ITGA1: variants seen among roughly 807,000 people sequenced by gnomAD.
The protein encoded by ITGA1 is integrin alpha-1.
ITGA1 carries 85 observed loss-of-function variants against 145.9 expected under a neutral mutation model. That is an observed-to-expected ratio of 0.58 (90% CI 0.49 to 0.70). The LOEUF is 0.70. Ranked by LOEUF, ITGA1 falls within the 30% of genes least tolerant of loss-of-function variation. ITGA1 has a pLI of 0.00. For missense variants in ITGA1, 1,351 were observed against 1,418.7 expected (o/e 0.95, Z 0.77); for synonymous variants, 520 against 495.3 (o/e 1.05, Z -0.66).
At chr5:52,902,850 C>A (rs1750337961) in intron 11 of ITGA1, 1 of 152,252 alleles carries the variant, frequency 6.6e-6, no homozygotes, top group Admixed American at 6.5e-5. Context: ...GCTGGGATTA[C>A]AGGCATGCAC....
At chr5:52,909,933 A>G (rs1479510627) in intron 13 of ITGA1, among the ~76,000 whole-genome samples, 2 of 152,078 alleles carry the variant, frequency 1.3e-5, no homozygotes, top group Non-Finnish European at 2.9e-5. Flanking sequence ...TGTATACTCA[A>G]TTGCATTAAA....
intron 6 of ITGA1, among the ~76,000 whole-genome samples, chr5:52,873,005 T>G (rs1749802768): frequency 6.6e-6 from 1 of 152,190 alleles, no homozygotes; most frequent in Non-Finnish European, 1.5e-5. Flanking sequence ...ACGACAGAAT[T>G]GTGCCTTAGT....
chr5:52,865,938 T>A, intron 6 of ITGA1, 121 bp downstream of exon 6: 1 of 713,094 alleles, frequency 1.4e-6, no homozygotes, highest in Non-Finnish European at 2.2e-6. Context: ...ATGAATTTTA[T>A]ATCCATTTCC....
intron 1 of ITGA1, among the ~76,000 whole-genome samples, chr5:52,826,835 A>G (rs1006461538): frequency 1.8e-4 from 27 of 152,204 alleles, no homozygotes; most frequent in African/African-American, 6.3e-4. Flanking sequence ...ATTACTGCTC[A>G]TTGGTGATAT....
chr5:52,909,070 C>A, intron 13 of ITGA1, 29 bp downstream of exon 13: 2 of 1,586,716 alleles, frequency 1.3e-6, no homozygotes, highest in South Asian at 1.2e-5. Flanking sequence ...GGTAGAAATC[C>A]AGGAAAATCT....
At chr5:52,911,870 A>G (rs1750550019) in intron 14 of ITGA1, among the ~76,000 whole-genome samples, 1 of 135,108 alleles carries the variant, frequency 7.4e-6, no homozygotes, top group Non-Finnish European at 1.6e-5. Context: ...TATATATAGT[A>G]TATAGATACA....
At chr5:52,800,142 G>T (rs1156316568) in intron 1 of ITGA1, 2 of 526,510 alleles carry the variant, frequency 3.8e-6, no homozygotes, top group African/African-American at 1.9e-5. Flanking sequence ...ACTGTGTAGG[G>T]GTAGATTTTC....
At chr5:52,828,036 T>C (rs953638694) in intron 1 of ITGA1, among the ~76,000 whole-genome samples, 1 of 152,240 alleles carries the variant, frequency 6.6e-6, no homozygotes, top group Admixed American at 6.5e-5. Flanking sequence ...ACATTTCATG[T>C]ATCTATTTAG....
intron 11 of ITGA1, chr5:52,903,381 T>A (rs1033823097): frequency 6.6e-6 from 1 of 152,124 alleles, no homozygotes; most frequent in Admixed American, 6.5e-5. Flanking sequence ...TTTAAAACAA[T>A]ATTGTGGTTA....
At chr5:52,922,430 A>G (rs553489995) in intron 17 of ITGA1, among the ~76,000 whole-genome samples, 27 of 152,342 alleles carry the variant, frequency 1.8e-4, no homozygotes, top group African/African-American at 6.3e-4. Flanking sequence ...GAAGTGTTAC[A>G]TAATGATCTT....
chr5:52,849,592 A>C (rs1749397927), intron 2 of ITGA1, 107 bp downstream of exon 2: 2 of 1,041,460 alleles, frequency 1.9e-6, no homozygotes, highest in Admixed American at 5.0e-5. Flanking sequence ...AGAATGAATT[A>C]TTTATGGTAG....
rs1233120438 is a variant in ITGA1, at chr5:52,955,703, A to C, written c.*3252A>C. On this transcript the variant is annotated 3_prime_UTR_variant, in exon 29 of 29. Coordinates refer to ENST00000282588, the MANE Select transcript of ITGA1 (RefSeq NM_181501.2). ...CAAGGAATTCAAAGTCCTGTGATAC[A>C]CATTACAAAAGATGACACTTTGTAA... The C allele has an allele frequency of 6.6e-6, 1 of 152,216 alleles. No individual in the cohort carries two copies. Among genetic ancestry groups the C allele is most frequent in the Non-Finnish European group, 1.5e-5 (1 of 68,046 alleles). The allele number at this position is 152,216 out of a possible 1,614,324, so 9.4% of individuals were successfully genotyped here. A position where few individuals can be genotyped will look rare whatever the true frequency, so the allele number is the denominator to read the frequency against.
At position 52,887,853 on chromosome 5, in the gene ITGA1, G is replaced by C; in HGVS notation, c.812G>C (p.Gly271Ala). Residue 271 changes from glycine to alanine, a missense_variant, in exon 8 of 29, where the codon GGA becomes GCA. Coordinates refer to ENST00000282588, the MANE Select transcript of ITGA1 (RefSeq NM_181501.2). The stretch of plus-strand genomic sequence containing the variant: ...ACGGAAGCCCGGGGTGCCCGAAGAG[G>C]AGTTAAAAAAGTCATGGTTATTGTG... ...AFTEARGARR[G>A]VKKVMVIVTD... 6.2e-7 allele frequency: 1 copy of C among 1,613,814 alleles called. No individual in the cohort carries two copies. Among genetic ancestry groups the C allele is most frequent in the East Asian group, 2.2e-5 (1 of 44,890 alleles).
chr5:52,921,351 CA>C (rs1158175654), intron 17 of ITGA1, among the ~76,000 whole-genome samples: 1 of 152,024 alleles, frequency 6.6e-6, no homozygotes, highest in Non-Finnish European at 1.5e-5. Flanking sequence ...AATTGTAGTT[CA>C]GGGGCAGGGG....
chr5:52,801,338 A>G, intron 1 of ITGA1: 1 of 1,362,526 alleles, frequency 7.3e-7, no homozygotes, highest in South Asian at 1.4e-5. Flanking sequence ...TTTTGGCTTT[A>G]AGCCTTTGTG....
At chr5:52,866,316 C>T (rs1184397559) in intron 6 of ITGA1, among the ~76,000 whole-genome samples, 1 of 151,800 alleles carries the variant, frequency 6.6e-6, no homozygotes, top group Admixed American at 6.6e-5. Flanking sequence ...TGTGCCCAAC[C>T]TAGGCTGTGT....
chr5:52,929,701 G>A lies in ITGA1; in HGVS notation c.2771G>A (p.Ser924Asn), dbSNP rs1358727720. Reference sequence around the variant, plus strand: ...GTGACCATTTATTTAAGTGCAACAAGGTTGGTTTACATGTGTATAAATGTA... The same window carrying A: ...GTGACCATTTATTTAAGTGCAACAAAGTTGGTTTACATGTGTATAAATGTA... ...ENVTIYLSAT[S>N]DSEEPPETLS... is the part of the protein sequence containing the mutation. Residue 924 changes from serine (S) to asparagine (N), a missense_variant and splice_region_variant, in exon 21 of 29, where the codon AGT becomes AAT. By Grantham distance (46) the Ser-to-Asn change is conservative. Coordinates refer to ENST00000282588, the MANE Select transcript of ITGA1 (RefSeq NM_181501.2). 6.4e-7 allele frequency: 1 copy of A among 1,565,374 alleles called. No homozygotes were observed. The highest frequency in any genetic ancestry group is 1.7e-5 in the Admixed American group (1 of 58,296).
In ITGA1 at chr5:52,788,295, C is replaced by G; in HGVS notation, c.-59C>G. The G allele has an allele frequency of 1.5e-6, 2 of 1,342,368 alleles. No homozygotes were observed. The allele number at this position is 1,342,368 out of a possible 1,614,324, so 83.2% of individuals were successfully genotyped here. ...TGGCCCAGCCAGAGAGCGCAGCTCC[C>G]GCGCCCGGTCCTGCCCTGCGAACCA... On this transcript the variant is annotated 5_prime_UTR_variant, in exon 1 of 29. Coordinates refer to ENST00000282588, the MANE Select transcript of ITGA1 (RefSeq NM_181501.2).
intron 1 of ITGA1, among the ~76,000 whole-genome samples, chr5:52,797,275 A>T (rs574300887): frequency 1.3e-5 from 2 of 152,082 alleles, no homozygotes; most frequent in African/African-American, 4.8e-5. Flanking sequence ...AGGCACACTG[A>T]TATTTTTTAA....
Sources: gnomAD v4.1 joint callset for allele counts (sites outside exome capture counted in the v4.1 genomes callset) on GRCh38, gnomAD v4.1.1 for gene constraint, MANE v1.5 for transcripts, NCBI Gene and HGNC (gene_info 2026-07-23, HGNC 2026-07-21) for gene names.